ACER1: variants seen among roughly 807,000 people sequenced by gnomAD.
ACER1 encodes the protein CTB-180A7.3.
Under a neutral mutation model 24.9 loss-of-function variants are expected in ACER1, and 28 were observed. The observed-to-expected ratio is 1.13, with a 90% CI of 0.83 to 1.54. ACER1 has a LOEUF of 1.54. Ranked by LOEUF, ACER1 falls within the 40% of genes most tolerant of loss-of-function variation. ACER1 has a pLI of 0.00. For synonymous variants in ACER1, 132 were observed against 131.4 expected, an observed-to-expected ratio of 1.00 and a Z score of -0.03; for missense variants, 352 against 349.3, an observed-to-expected ratio of 1.01 and a Z score of -0.06.
At chr19:6,308,781 T>C (rs1451923689) in intron 4 of ACER1, among the ~76,000 whole-genome samples, 1 of 152,084 alleles carries the variant, frequency 6.6e-6, no homozygotes, top group East Asian at 1.9e-4. Context: ...TTGTATGAAA[T>C]CTGGGAGAAA....
At chr19:6,345,724 C>A in the ACER1 span, among the ~76,000 whole-genome samples, 2 of 151,588 alleles carry the variant, frequency 1.3e-5, no homozygotes, top group Non-Finnish European at 2.9e-5. Context: ...ACGACCATGC[C>A]CAGCTAATTT....
At chr19:6,349,653 A>G in the ACER1 span, among the ~76,000 whole-genome samples, 1 of 152,146 alleles carries the variant, frequency 6.6e-6, no homozygotes, top group African/African-American at 2.4e-5. Flanking sequence ...AGCATCCCAC[A>G]TGAAGTCAGA....
the ACER1 span, among the ~76,000 whole-genome samples, chr19:6,356,468 T>TA: frequency 6.8e-6 from 1 of 147,294 alleles, no homozygotes; most frequent in African/African-American, 2.6e-5. Flanking sequence ...GAATGATCAA[T>TA]AAAAAAATAA....
chr19:6,349,843 T>C, the ACER1 span, among the ~76,000 whole-genome samples: 1 of 152,002 alleles, frequency 6.6e-6, no homozygotes, highest in East Asian at 1.9e-4. Flanking sequence ...TAAAAGGGGA[T>C]CTGGGGGCTG....
the ACER1 span, among the ~76,000 whole-genome samples, chr19:6,344,692 G>C: frequency 1.3e-5 from 2 of 151,768 alleles, no homozygotes; most frequent in Non-Finnish European, 2.9e-5. Context: ...CACCGCACCT[G>C]GCCTGTGTGG....
chr19:6,307,359 C>T, intron 4 of ACER1, 69 bp from the exon 5 acceptor site: 3 of 1,562,224 alleles, frequency 1.9e-6, no homozygotes, highest in Non-Finnish European at 2.6e-6. Context: ...ATGGGAAATT[C>T]CTCCTTCCAC....
chr19:6,318,583 C>T (rs920303063), intron 1 of ACER1, among the ~76,000 whole-genome samples: 47 of 147,082 alleles, frequency 3.2e-4, no homozygotes, highest in African/African-American at 9.5e-4. Context: ...CGAGACCATC[C>T]TGGCTAACAC....
intron 1 of ACER1, among the ~76,000 whole-genome samples, chr19:6,314,266 T>C (rs960510879): frequency 3.3e-5 from 5 of 151,522 alleles, no homozygotes; most frequent in African/African-American, 1.2e-4. Context: ...GGTCAGGAGT[T>C]TGAAACCAGC....
At chr19:6,339,556 C>A in the ACER1 span, among the ~76,000 whole-genome samples, 1 of 152,148 alleles carries the variant, frequency 6.6e-6, no homozygotes, top group Non-Finnish European at 1.5e-5. Context: ...GCTGCATAGA[C>A]ATGCGAATGT....
chr19:6,311,445 G>A (rs1214008330), intron 3 of ACER1, among the ~76,000 whole-genome samples: 1 of 152,118 alleles, frequency 6.6e-6, no homozygotes, highest in Non-Finnish European at 1.5e-5. Flanking sequence ...GGGAGGCTGA[G>A]GCAGGAGGAT....
intron 1 of ACER1, among the ~76,000 whole-genome samples, chr19:6,314,531 G>A (rs62106618): frequency 0.29 from 44,229 of 150,674 alleles, 7,364 homozygotes; most frequent in Middle Eastern, 0.47. Flanking sequence ...TCAAGACCCC[G>A]ACGTGCTGAC....
rs570071505 is a variant in ACER1 at position 6,319,869 on chromosome 19, T to C, written c.94-7370A>G. Among the ~76,000 whole-genome samples, 6 of 152,174 alleles carry C rather than the reference T, an allele frequency of 3.9e-5. No individual in the cohort carries two copies. In the East Asian group the frequency reaches 9.7e-4, roughly 25 times the overall value. On this transcript the variant is annotated intron_variant, in intron 1 of 5. Transcript: ENST00000301452. ...GCTCATGTCTGTAATCCCAGCACTT[T>C]GGAAGGCTGAGGTGGGCAGATCACT...
In ACER1 at chr19:6,306,506, C is replaced by G; in HGVS notation, c.*208G>C. The stretch of plus-strand genomic sequence containing the variant: ...CATGGAGGGGAGATGCACGAGACAG[C>G]CCCCCACAGTCACCAGGCTGCTGCT... On this transcript the variant is annotated 3_prime_UTR_variant, in exon 6 of 6. Transcript: ENST00000301452. 3.6e-6 allele frequency: 2 copies of G among 560,408 alleles called. No individual in the cohort carries two copies. The allele number at this position is 560,408 out of a possible 1,614,324, so 34.7% of individuals were successfully genotyped here. A position where few individuals can be genotyped will look rare whatever the true frequency, so the allele number is the denominator to read the frequency against.
At chr19:6,313,775 T>C (rs999695959) in intron 1 of ACER1, among the ~76,000 whole-genome samples, 2 of 152,218 alleles carry the variant, frequency 1.3e-5, no homozygotes, top group African/African-American at 2.4e-5. Flanking sequence ...TAAAAGGAAC[T>C]GTGGCTTCCA....
Position 6,307,337 on chromosome 19 carries a change from C to A in ACER1, c.489-47G>T, listed in dbSNP as rs75161094. 1.1e-3 allele frequency: 1,802 copies of A among 1,589,484 alleles called. 24 individuals carry two copies. In the African/African-American group the frequency reaches 0.022, roughly 19 times the overall value. On this transcript the variant is annotated intron_variant, in intron 4 of 5. Transcript: ENST00000301452. Reference sequence around the variant, plus strand: ...CAGGGGCTGGCTCGGAGAGCAGCACCTGATGGGGCTGATGGGAAATTCCTC... The same window carrying A: ...CAGGGGCTGGCTCGGAGAGCAGCACATGATGGGGCTGATGGGAAATTCCTC...
At chr19:6,333,106 C>T (rs1226319663) in intron 1 of ACER1, among the ~76,000 whole-genome samples, 1 of 152,120 alleles carries the variant, frequency 6.6e-6, no homozygotes, top group African/African-American at 2.4e-5. Context: ...CCCACCCCCT[C>T]TAGCTCAGGG....
upstream of ACER1, among the ~76,000 whole-genome samples, chr19:6,334,854 G>A (rs1334736853): frequency 6.7e-6 from 1 of 148,222 alleles, no homozygotes; most frequent in Non-Finnish European, 1.5e-5. Flanking sequence ...TTTTTTTTTT[G>A]AGATGGAGTC....
the ACER1 span, chr19:6,360,163 C>G: frequency 1.3e-5 from 2 of 152,164 alleles, no homozygotes; most frequent in Non-Finnish European, 2.9e-5. Flanking sequence ...ATTCCAATAC[C>G]TGCTTCTCCT....
the ACER1 span, among the ~76,000 whole-genome samples, chr19:6,356,276 T>C: frequency 6.7e-6 from 1 of 148,664 alleles, no homozygotes; most frequent in Non-Finnish European, 1.5e-5. Flanking sequence ...GAAGGCAGCA[T>C]GCTGGTTAAG....
Sources: allele counts gnomAD v4.1 joint callset (sites outside exome capture counted in the v4.1 genomes callset), GRCh38; gene constraint gnomAD v4.1.1; transcripts MANE v1.5; gene names NCBI Gene and HGNC (gene_info 2026-07-23, HGNC 2026-07-21).